The following RYR3 variants were observed in gnomAD, a reference collection of about 807,000 sequenced individuals.
The protein encoded by RYR3 is brain ryanodine receptor-calcium release channel.
RYR3 carries 207 observed loss-of-function variants against 584.3 expected under a neutral mutation model. The ratio of observed to expected loss-of-function variants is 0.35; its 90% CI spans 0.32 to 0.40. The LOEUF is 0.40. Ranked by LOEUF, RYR3 falls within the 10% of genes least tolerant of loss-of-function variation. RYR3 has a pLI of 1.00. For missense variants in RYR3, 5,616 were observed against 6,089.2 expected (o/e 0.92, Z 2.59); for synonymous variants, 2,416 against 2,248.5 (o/e 1.07, Z -2.11).
rs1595466748 is a variant in RYR3, at chr15:33,530,717, A to G, written c.354+51A>G. ...ATCATTCAAGGAGAAGGAAAAACTG[A>G]AGAGGGGGAAATACAGGAAGCCAGC... On this transcript the variant is annotated intron_variant, in intron 4 of 103. Coordinates refer to ENST00000634891, the MANE Select transcript of RYR3 (RefSeq NM_001036.6). 2.2e-6 allele frequency: 3 copies of G among 1,352,044 alleles called. No individual in the cohort carries two copies. The East Asian group carries it at 6.9e-5, about 31-fold the overall frequency. 83.8% of individuals were successfully genotyped at this position (1,352,044 alleles called of 1,614,324 possible).
intron 1 of RYR3, among the ~76,000 whole-genome samples, chr15:33,403,401 C>T (rs557311957): frequency 6.6e-6 from 1 of 152,282 alleles, no homozygotes; most frequent in East Asian, 1.9e-4. Context: ...TCACAGTATA[C>T]AGAGAAGTGC....
intron 90 of RYR3, among the ~76,000 whole-genome samples, chr15:33,841,283 G>C (rs1042165834): frequency 2.0e-5 from 3 of 152,186 alleles, no homozygotes; most frequent in African/African-American, 7.2e-5. Context: ...TGTCGCTATA[G>C]TAAATAGAAA....
intron 102 of RYR3, among the ~76,000 whole-genome samples, chr15:33,861,796 G>C (rs1299341057): frequency 6.6e-6 from 1 of 152,266 alleles, no homozygotes; most frequent in East Asian, 1.9e-4. Flanking sequence ...TTTTGGGCAT[G>C]TCTGTTTTCA....
At chr15:33,788,691 C>A (rs111776299) in intron 67 of RYR3, among the ~76,000 whole-genome samples, 1 of 152,206 alleles carries the variant, frequency 6.6e-6, no homozygotes, top group Non-Finnish European at 1.5e-5. Context: ...TCCATCCTTA[C>A]GGGCTACCAC....
chr15:33,717,081 G>A (rs1344824902), intron 43 of RYR3, among the ~76,000 whole-genome samples: 1 of 152,086 alleles, frequency 6.6e-6, no homozygotes, highest in African/African-American at 2.4e-5. Context: ...CTAGACACAT[G>A]GGCAAAATCT....
At chr15:33,725,741 C>A in intron 45 of RYR3, among the ~76,000 whole-genome samples, 1 of 149,192 alleles carries the variant, frequency 6.7e-6, no homozygotes, top group East Asian at 2.0e-4. Flanking sequence ...GGGCAGATCA[C>A]GAGGTCAGGA....
At chr15:33,346,806 C>G (rs1972512559) in intron 1 of RYR3, among the ~76,000 whole-genome samples, 1 of 152,090 alleles carries the variant, frequency 6.6e-6, no homozygotes. Context: ...AGAATCCAAA[C>G]TAGTGTTATT....
intron 43 of RYR3, among the ~76,000 whole-genome samples, chr15:33,721,120 C>T (rs1222403374): frequency 1.3e-5 from 2 of 152,228 alleles, no homozygotes; most frequent in African/African-American, 4.8e-5. Flanking sequence ...TTGGCTTCCG[C>T]TTTACTGTCC....
intron 58 of RYR3, 105 bp downstream of exon 58, chr15:33,755,285 AG>A: frequency 1.3e-6 from 1 of 757,502 alleles, no homozygotes; most frequent in Non-Finnish European, 2.2e-6. Context: ...GCATGATTTT[AG>A]GGGGAAAACA....
At chr15:33,420,573 G>A (rs2141602155) in intron 1 of RYR3, among the ~76,000 whole-genome samples, 1 of 152,254 alleles carries the variant, frequency 6.6e-6, no homozygotes, top group Middle Eastern at 3.4e-3. Context: ...TGCAGACGAA[G>A]TTAAGGCACA....
At chr15:33,834,450 C>T (rs562322953) in intron 86 of RYR3, among the ~76,000 whole-genome samples, 1 of 150,830 alleles carries the variant, frequency 6.6e-6, no homozygotes, top group East Asian at 2.0e-4. Flanking sequence ...TGGTTGAATG[C>T]TAAGATTATT....
chr15:33,624,106 C>T (rs1465956588), intron 20 of RYR3, 83 bp downstream of exon 20: 1 of 955,840 alleles, frequency 1.0e-6, no homozygotes, highest in Non-Finnish European at 1.6e-6. Context: ...GTTTTTGAAC[C>T]TTTCTTAATA....
At chr15:33,386,630 A>T (rs904647394) in intron 1 of RYR3, among the ~76,000 whole-genome samples, 6 of 152,146 alleles carry the variant, frequency 3.9e-5, no homozygotes. Context: ...AATCTCCACA[A>T]CTTTTTCATC....
chr15:33,677,698 G>A (rs995780830), intron 38 of RYR3, among the ~76,000 whole-genome samples: 5 of 152,166 alleles, frequency 3.3e-5, no homozygotes, highest in Non-Finnish European at 5.9e-5. Context: ...AGCAGTTCTG[G>A]GAGTGAAGCA....
intron 95 of RYR3, 66 bp downstream of exon 95, chr15:33,853,153 C>A: frequency 7.6e-7 from 1 of 1,316,138 alleles, no homozygotes. Context: ...TTTTTAAGTT[C>A]TCCACATACA....
intron 69 of RYR3, among the ~76,000 whole-genome samples, chr15:33,807,216 G>C (rs1782765271): frequency 6.6e-6 from 1 of 152,198 alleles, no homozygotes; most frequent in Admixed American, 6.5e-5. Flanking sequence ...GAGGGAGGTA[G>C]AAGGGGCAAA....
chr15:33,649,119 T>G lies in RYR3; in HGVS notation c.4026T>G (p.Cys1342Trp). The G allele has an allele frequency of 6.2e-7, 1 of 1,613,838 alleles. No individual in the cohort carries two copies. The highest frequency in any genetic ancestry group is 8.5e-7 in the Non-Finnish European group (1 of 1,179,860). The change falls in exon 31 of 104, where the codon TGT (cysteine) becomes TGG (tryptophan). Residue 1342 changes from cysteine to tryptophan, a missense_variant. Transcript: ENST00000634891. ...TCTTTGCTGGACAGGATCCATCCTG[T>G]GTCTGGGTCGGATGGGTGACTCCAG... ...IRIFAGQDPSCVWVGWVTPDY... is the reference protein window; with the variant it reads ...IRIFAGQDPSWVWVGWVTPDY...
intron 7 of RYR3, among the ~76,000 whole-genome samples, chr15:33,543,033 C>T (rs527905137): frequency 2.6e-5 from 4 of 152,216 alleles, no homozygotes; most frequent in African/African-American, 7.2e-5. Context: ...TTGATGAAAG[C>T]GTCTACACTT....
intron 1 of RYR3, among the ~76,000 whole-genome samples, chr15:33,344,745 T>C (rs1972237480): frequency 6.6e-6 from 1 of 152,150 alleles, no homozygotes; most frequent in African/African-American, 2.4e-5. Flanking sequence ...TTTCTGGTCA[T>C]GTAAAAATGA....
Sources: gnomAD v4.1 joint callset for allele counts (sites outside exome capture counted in the v4.1 genomes callset) on GRCh38, gnomAD v4.1.1 for gene constraint, MANE v1.5 for transcripts, NCBI Gene and HGNC (gene_info 2026-07-23, HGNC 2026-07-21) for gene names.